Variants in GPAT3 observed in about 807,000 individuals in gnomAD.
The protein encoded by GPAT3 is glycerol-3-phosphate acyltransferase 3.
In GPAT3, 53 loss-of-function variants were observed where a neutral mutation model predicts 58.8. That is an observed-to-expected ratio of 0.90 (90% CI 0.72 to 1.13). GPAT3 has a LOEUF of 1.13. Among genes scored for constraint, GPAT3 ranks in the 50% most tolerant of loss-of-function variants. The pLI is 0.00. For missense variants in GPAT3, 511 were observed against 527.6 expected, an observed-to-expected ratio of 0.97 and a Z score of 0.31; for synonymous variants, 197 against 187.4, an observed-to-expected ratio of 1.05 and a Z score of -0.42.
intron 1 of GPAT3, among the ~76,000 whole-genome samples, chr4:83,538,298 A>C (rs1724176919): frequency 6.6e-6 from 1 of 152,116 alleles, no homozygotes; most frequent in Non-Finnish European, 1.5e-5. Context: ...CTTCATCCTC[A>C]GTGCTCATGT....
At chr4:83,570,987 C>G (rs925072551) in intron 2 of GPAT3, among the ~76,000 whole-genome samples, 1 of 152,088 alleles carries the variant, frequency 6.6e-6, no homozygotes, top group Non-Finnish European at 1.5e-5. Flanking sequence ...TCTCTCAGTC[C>G]CAGTGGTACT....
At chr4:83,551,937 A>G (rs1724772035) in intron 2 of GPAT3, among the ~76,000 whole-genome samples, 1 of 151,892 alleles carries the variant, frequency 6.6e-6, no homozygotes, top group Non-Finnish European at 1.5e-5. Context: ...AAAAGAGAAA[A>G]CCCCAACCAA....
chr4:83,598,009 C>T (rs1314911198), intron 9 of GPAT3, 42 bp from the exon 10 acceptor site: 3 of 1,608,112 alleles, frequency 1.9e-6, no homozygotes, highest in South Asian at 2.2e-5. Context: ...GATGAGAAAC[C>T]ACCCTTATTT....
At chr4:83,540,003 C>CA (rs1724235993) in intron 1 of GPAT3, among the ~76,000 whole-genome samples, 1 of 151,902 alleles carries the variant, frequency 6.6e-6, no homozygotes, top group Admixed American at 6.6e-5. Flanking sequence ...ACTAAAAATA[C>CA]AAAAATTAGC....
Position 83,541,393 on chromosome 4 carries a change from CTT to C in GPAT3, c.142-3124_142-3123del, listed in dbSNP as rs777665390. On this transcript the variant is annotated intron_variant, in intron 1 of 11. Transcript: ENST00000264409. ...CCACCATGCCCAACTAATTTAAAAC[CTT>C]TTTTTTTTTTTTTTTTTTGTAGAGA... Among the ~76,000 whole-genome samples, 879 of 113,686 alleles carry C rather than the reference CTT, an allele frequency of 7.7e-3. 3 individuals carry two copies. Among genetic ancestry groups the C allele is most frequent in the African/African-American group, 0.029 (828 of 28,944 alleles). 74.6% of individuals were successfully genotyped at this position (113,686 alleles called of 152,430 possible). A position where few individuals can be genotyped will look rare whatever the true frequency, so the allele number is the denominator to read the frequency against.
chr4:83,561,726 G>T (rs1010937543), intron 2 of GPAT3, among the ~76,000 whole-genome samples: 9 of 151,778 alleles, frequency 5.9e-5, no homozygotes, highest in African/African-American at 2.2e-4. Flanking sequence ...ATCAGGGTTT[G>T]TGTGACAGAG....
chr4:83,567,301 A>G (rs1008690604), intron 2 of GPAT3, among the ~76,000 whole-genome samples: 2 of 152,146 alleles, frequency 1.3e-5, no homozygotes, highest in Non-Finnish European at 2.9e-5. Flanking sequence ...CTATTTTTCC[A>G]TCTCATGTTA....
chr4:83,588,768 T>G (rs531086358), intron 5 of GPAT3, among the ~76,000 whole-genome samples: 1 of 152,316 alleles, frequency 6.6e-6, no homozygotes, highest in African/African-American at 2.4e-5. Flanking sequence ...GTGGTCTCTA[T>G]TCTTAGTCCT....
At chr4:83,576,821 C>G (rs551578100) in intron 2 of GPAT3, among the ~76,000 whole-genome samples, 1 of 152,086 alleles carries the variant, frequency 6.6e-6, no homozygotes, top group South Asian at 2.1e-4. Context: ...GGTAATACCA[C>G]GGGTGAAAAT....
chr4:83,564,551 T>A (rs975951396), intron 2 of GPAT3, among the ~76,000 whole-genome samples: 2 of 151,996 alleles, frequency 1.3e-5, no homozygotes, highest in Non-Finnish European at 2.9e-5. Context: ...CTCAAAAAAT[T>A]AGCCAGGTGT....
chr4:83,601,814 C>T (rs989479225), intron 11 of GPAT3, among the ~76,000 whole-genome samples: 4 of 152,136 alleles, frequency 2.6e-5, no homozygotes, highest in Non-Finnish European at 5.9e-5. Flanking sequence ...CTTGAGAAAT[C>T]GATGGGCAAT....
At chr4:83,584,839 A>G (rs1726318897) in intron 3 of GPAT3, among the ~76,000 whole-genome samples, 1 of 152,228 alleles carries the variant, frequency 6.6e-6, no homozygotes, top group African/African-American at 2.4e-5. Flanking sequence ...ATTGTATGGC[A>G]TGTGAATTGT....
intron 2 of GPAT3, among the ~76,000 whole-genome samples, chr4:83,556,233 C>T (rs1257039581): frequency 6.6e-6 from 1 of 152,066 alleles, no homozygotes; most frequent in Admixed American, 6.6e-5. Context: ...ATGTGGGCTG[C>T]CAGCCAAGAT....
At chr4:83,557,967 C>T (rs138604016) in intron 2 of GPAT3, among the ~76,000 whole-genome samples, 1 of 152,122 alleles carries the variant, frequency 6.6e-6, no homozygotes, top group African/African-American at 2.4e-5. Flanking sequence ...GATCCCAGCA[C>T]TTTGGGAGGC....
At chr4:83,584,181 AT>A (rs1726279878) in intron 3 of GPAT3, among the ~76,000 whole-genome samples, 1 of 152,224 alleles carries the variant, frequency 6.6e-6, no homozygotes, top group South Asian at 2.1e-4. Context: ...TACTAAACAA[AT>A]GCTCACAAAA....
intron 2 of GPAT3, 100 bp downstream of exon 2, chr4:83,544,702 A>C (rs28360718): frequency 0.38 from 432,886 of 1,130,580 alleles, 85,731 homozygotes; most frequent in Middle Eastern, 0.49. Flanking sequence ...AGTGTGTTCT[A>C]TAGGGTTTGG....
At chr4:83,552,902 G>A (rs1724806292) in intron 2 of GPAT3, among the ~76,000 whole-genome samples, 2 of 152,230 alleles carry the variant, frequency 1.3e-5, no homozygotes, top group East Asian at 3.9e-4. Flanking sequence ...CGGGCCCCAG[G>A]GAGTTGTCTA....
At chr4:83,604,113 C>T (rs1192986291) in intron 11 of GPAT3, among the ~76,000 whole-genome samples, 1 of 152,034 alleles carries the variant, frequency 6.6e-6, no homozygotes, top group African/African-American at 2.4e-5. Flanking sequence ...CTCTTGTTGC[C>T]CAGGCTGGAG....
At chr4:83,535,597 C>A, upstream of GPAT3, 1 of 580,806 alleles carries the variant, frequency 1.7e-6, no homozygotes, top group African/African-American at 2.0e-5. Flanking sequence ...TGGAATCTTC[C>A]CCCAGAAAGG....
Sources: gnomAD v4.1 joint callset for allele counts (sites outside exome capture counted in the v4.1 genomes callset) on GRCh38, gnomAD v4.1.1 for gene constraint, MANE v1.5 for transcripts, NCBI Gene and HGNC (gene_info 2026-07-23, HGNC 2026-07-21) for gene names.